CC2D2B: variants seen among roughly 807,000 people sequenced by gnomAD.
CC2D2B encodes coiled-coil and C2 domain containing 2B, also known as protein CC2D2B.
CC2D2B carries 128 observed loss-of-function variants against 161.2 expected under a neutral mutation model. The observed-to-expected ratio is 0.79, with a 90% confidence interval of 0.69 to 0.92. The LOEUF (loss-of-function observed/expected upper bound fraction) is 0.92, where lower values mean the gene tolerates loss of function less well. CC2D2B is among the 40% of genes least tolerant of loss of function. CC2D2B has a pLI of 0.00. For synonymous variants in CC2D2B, 391 were observed against 449.8 expected, an observed-to-expected ratio of 0.87 and a Z score of 1.65; for missense variants, 1,173 against 1,375.1, an observed-to-expected ratio of 0.85 and a Z score of 2.32.
chr10:95,946,015 C>G (rs112469073), intron 9 of CC2D2B, among the ~76,000 whole-genome samples: 2 of 152,034 alleles, frequency 1.3e-5, no homozygotes. Context: ...GAACTCTTGA[C>G]CTCAGAAGAC....
intron 2 of CC2D2B, among the ~76,000 whole-genome samples, chr10:95,915,788 G>A (rs966125362): frequency 6.6e-6 from 1 of 152,108 alleles, no homozygotes; most frequent in African/African-American, 2.4e-5. Context: ...TTAATATGAT[G>A]TTGAATTCGG....
Position 96,019,203 on chromosome 10 carries a change from G to T in CC2D2B, c.3631G>T (p.Gly1211Trp). 4 of 1,582,932 alleles carry T rather than the reference G, an allele frequency of 2.5e-6. No homozygotes were observed. Among genetic ancestry groups the T allele is most frequent in the Non-Finnish European group, 3.4e-6 (4 of 1,168,892 alleles). The change falls in exon 31 of 35, where the codon GGG (glycine) becomes TGG (tryptophan). Residue 1211 changes from glycine to tryptophan, a missense_variant and splice_region_variant. Around this residue, in one of 3 missense-constraint regions of CC2D2B, gnomAD observed 598 missense variants for 693.2 expected, o/e 0.86. Coordinates refer to ENST00000646931, the MANE Select transcript of CC2D2B (RefSeq NM_001349008.3). Reference protein sequence around the residue: ...LVLLGTSVLEGHVAYVVTQET... With the variant: ...LVLLGTSVLEWHVAYVVTQET... ...AATTACTTTCTTTTTTCTCATACAG[G>T]GGCATGTGGCTTATGTAGTAACTCA...
chr10:95,960,256 A>C (rs1432839457), intron 11 of CC2D2B, among the ~76,000 whole-genome samples: 1 of 152,134 alleles, frequency 6.6e-6, no homozygotes, highest in Non-Finnish European at 1.5e-5. Context: ...CTTGTTTCAC[A>C]CTTCAGCTAT....
intron 16 of CC2D2B, among the ~76,000 whole-genome samples, chr10:95,972,532 T>C (rs2077172422): frequency 1.3e-5 from 2 of 152,184 alleles, no homozygotes; most frequent in Admixed American, 1.3e-4. Context: ...CAGGCTGGTC[T>C]CAAACTCCTG....
intron 9 of CC2D2B, among the ~76,000 whole-genome samples, chr10:95,947,011 T>C (rs1263674616): frequency 2.0e-5 from 3 of 147,454 alleles, no homozygotes; most frequent in African/African-American, 7.5e-5. Context: ...TAAATTGCAT[T>C]ACTGAAAACC....
intron 12 of CC2D2B, 54 bp downstream of exon 12, chr10:95,962,023 TAACTGG>T: frequency 8.3e-7 from 1 of 1,200,224 alleles, no homozygotes; most frequent in Non-Finnish European, 1.0e-6. Flanking sequence ...TTCTCATGAA[TAACTGG>T]AAATTCACAG....
intron 9 of CC2D2B, among the ~76,000 whole-genome samples, chr10:95,941,100 T>C (rs2076007293): frequency 6.6e-6 from 1 of 152,136 alleles, no homozygotes; most frequent in South Asian, 2.1e-4. Context: ...GAAAGGATAG[T>C]CTCTTCAACA....
At chr10:95,996,359 C>G (rs2078230025) in intron 24 of CC2D2B, 107 bp downstream of exon 24, 2 of 569,482 alleles carry the variant, frequency 3.5e-6, no homozygotes, top group Admixed American at 6.3e-5. Flanking sequence ...TTTATTTAAG[C>G]TTTTAAATTT....
rs2098534298 is a variant in CC2D2B, at chr10:95,924,392, T to C, written c.174+2T>C. The C allele has an allele frequency of 2.1e-6, 3 of 1,448,900 alleles. No homozygotes were observed. The highest frequency in any genetic ancestry group is 5.0e-5 in the East Asian group (2 of 39,632). The allele number at this position is 1,448,900 out of a possible 1,614,324, so 89.8% of individuals were successfully genotyped here. A position where few individuals can be genotyped will look rare whatever the true frequency, so the allele number is the denominator to read the frequency against. On this transcript the variant is annotated splice_donor_variant, in intron 4 of 34. Transcript: ENST00000646931. LOFTEE classifies it high-confidence loss of function. ...AGAGAAAAGCTAAAAATTTCTAAGGTAATGCTTTTTAAAATTTCCTGTTTT... is the reference window on the plus strand; with the variant it reads ...AGAGAAAAGCTAAAAATTTCTAAGGCAATGCTTTTTAAAATTTCCTGTTTT...
At chr10:95,979,766 A>G (rs2077444921) in intron 17 of CC2D2B, among the ~76,000 whole-genome samples, 1 of 152,236 alleles carries the variant, frequency 6.6e-6, no homozygotes, top group African/African-American at 2.4e-5. Flanking sequence ...AAAACATGCA[A>G]TGCAATGGTT....
intron 9 of CC2D2B, among the ~76,000 whole-genome samples, chr10:95,939,237 C>T (rs983286095): frequency 1.4e-4 from 21 of 152,056 alleles, no homozygotes; most frequent in South Asian, 8.3e-4. Context: ...TCTACCACTA[C>T]GTTACTCTTG....
chr10:95,917,846 C>T (rs964401062), intron 2 of CC2D2B, among the ~76,000 whole-genome samples: 1 of 152,150 alleles, frequency 6.6e-6, no homozygotes, highest in Non-Finnish European at 1.5e-5. Flanking sequence ...AGCATGGTCT[C>T]GGCTCACTGC....
At position 95,910,138 on chromosome 10, in the gene CC2D2B, A is replaced by G. The variant is rs573122672; in HGVS notation, c.-23-1163A>G. On this transcript the variant is annotated intron_variant, in intron 1 of 34. Transcript: ENST00000646931. The stretch of plus-strand genomic sequence containing the variant: ...GCCACTGCACTTCAGCCTGGGTGAA[A>G]GAGTGAGACCCTGTCTCTAAAAAAC... 2.6e-5 allele frequency among the ~76,000 whole-genome samples: 4 copies of G among 152,324 alleles called. No homozygotes were observed. In the East Asian group the frequency reaches 7.7e-4, roughly 29 times the overall value.
rs560352687 is a variant in CC2D2B, at chr10:95,944,629, C to T, written c.802-5267C>T. The stretch of plus-strand genomic sequence containing the variant: ...GAATGAATGAATAAATGAACAAATG[C>T]ATCATAAAAAGTAAATGCATAATTT... On this transcript the variant is annotated intron_variant, in intron 9 of 34. Transcript: ENST00000646931. 2.0e-5 allele frequency among the ~76,000 whole-genome samples: 3 copies of T among 152,254 alleles called. No homozygotes were observed. In the South Asian group the frequency reaches 6.2e-4, roughly 32 times the overall value.
At chr10:95,944,868 CT>C (rs2076143002) in intron 9 of CC2D2B, among the ~76,000 whole-genome samples, 1 of 152,202 alleles carries the variant, frequency 6.6e-6, no homozygotes, top group African/African-American at 2.4e-5. Context: ...TTTTAAAATT[CT>C]TTCTTGCAGC....
At chr10:95,941,662 C>T (rs1031365449) in intron 9 of CC2D2B, among the ~76,000 whole-genome samples, 1 of 151,806 alleles carries the variant, frequency 6.6e-6, no homozygotes, top group African/African-American at 2.4e-5. Flanking sequence ...TTAGGATGGT[C>T]ATTATTTAAA....
At chr10:95,996,377 T>C in intron 24 of CC2D2B, 125 bp downstream of exon 24, 1 of 544,006 alleles carries the variant, frequency 1.8e-6, no homozygotes, top group South Asian at 2.5e-5. Flanking sequence ...TTTTGAAATA[T>C]TTCATGCACA....
At chr10:96,025,152 AAAATAT>A (rs1156376556) in intron 33 of CC2D2B, among the ~76,000 whole-genome samples, 48 of 25,138 alleles carry the variant, frequency 1.9e-3, no homozygotes, top group Admixed American at 0.011. Context: ...CTACTAAAAA[AAAATAT>A]ATATATATAT....
chr10:95,929,519 A>G (rs1167818552), intron 6 of CC2D2B, among the ~76,000 whole-genome samples: 1 of 152,090 alleles, frequency 6.6e-6, no homozygotes, highest in Non-Finnish European at 1.5e-5. Flanking sequence ...TAGGGTTTTT[A>G]TGGTTTTAGG....
Sources: gnomAD v4.1 joint callset for allele counts (sites outside exome capture counted in the v4.1 genomes callset) on GRCh38, gnomAD v4.1.1 for gene constraint, gnomAD v4.1.1 regional missense constraint, MANE v1.5 for transcripts, NCBI Gene and HGNC (gene_info 2026-07-23, HGNC 2026-07-21) for gene names.